The following LRP1B variants were observed in gnomAD, a reference collection of about 807,000 sequenced individuals.
LRP1B encodes LDL receptor related protein 1B, also known as low-density lipoprotein receptor-related protein 1B.
LRP1B carries 217 observed loss-of-function variants against 556.6 expected under a neutral mutation model. That is an observed-to-expected ratio of 0.39 (90% CI 0.35 to 0.44). The LOEUF (loss-of-function observed/expected upper bound fraction) is 0.44, where lower values mean the gene tolerates loss of function less well. Ranked by LOEUF, LRP1B falls within the 20% of genes least tolerant of loss-of-function variation. LRP1B has a pLI of 1.00. For synonymous variants in LRP1B, 2,047 were observed against 1,865.8 expected, an observed-to-expected ratio of 1.10 and a Z score of -2.50; for missense variants, 5,053 against 5,620.8, an observed-to-expected ratio of 0.90 and a Z score of 3.23.
At chr2:140,549,861 G>GTT in intron 43 of LRP1B, among the ~76,000 whole-genome samples, 1 of 148,260 alleles carries the variant, frequency 6.7e-6, no homozygotes, top group East Asian at 2.0e-4. Flanking sequence ...AGTTGTTGTT[G>GTT]TTTTTTTTTT....
intron 43 of LRP1B, among the ~76,000 whole-genome samples, chr2:140,582,972 C>G (rs988725670): frequency 1.3e-5 from 2 of 152,024 alleles, no homozygotes; most frequent in African/African-American, 4.8e-5. Context: ...AGTCCCAGCT[C>G]TGGATCCTAC....
At position 140,828,375 on chromosome 2, in the gene LRP1B, C is replaced by T. The variant is rs377586034; in HGVS notation, c.5209+11616G>A. Among the ~76,000 whole-genome samples the T allele has an allele frequency of 1.0e-3, 153 of 151,012 alleles. 2 individuals carry two copies. The East Asian group carries it at 0.022, about 22-fold the overall frequency. Reference sequence around the variant, plus strand: ...CTGTAATCCCAGCACTTTGGGAGGCCGAGGCAGGCGGATCACGAGGTCAGG... The same window carrying T: ...CTGTAATCCCAGCACTTTGGGAGGCTGAGGCAGGCGGATCACGAGGTCAGG... On this transcript the variant is annotated intron_variant, in intron 31 of 90. Coordinates refer to ENST00000389484, the MANE Select transcript of LRP1B (RefSeq NM_018557.3).
chr2:140,347,487 A>G (rs540946701), intron 77 of LRP1B, among the ~76,000 whole-genome samples: 63 of 151,096 alleles, frequency 4.2e-4, no homozygotes, highest in African/African-American at 1.5e-3. Context: ...AAACGGGATC[A>G]CATGGAAAAT....
chr2:141,409,822 C>G (rs1690784711), intron 3 of LRP1B, among the ~76,000 whole-genome samples: 2 of 151,944 alleles, frequency 1.3e-5, no homozygotes, highest in Non-Finnish European at 2.9e-5. Context: ...GATAGTGTAT[C>G]TGAGGAGGTG....
At chr2:140,841,268 C>T (rs888350389) in intron 29 of LRP1B, among the ~76,000 whole-genome samples, 176 bp from the exon 30 acceptor site, 1 of 152,162 alleles carries the variant, frequency 6.6e-6, no homozygotes, top group African/African-American at 2.4e-5. Context: ...CATGAATAAT[C>T]ATTAATGTCT....
intron 2 of LRP1B, among the ~76,000 whole-genome samples, chr2:141,655,116 G>C (rs1689953479): frequency 6.6e-6 from 1 of 152,102 alleles, no homozygotes. Context: ...AGGAGGAAGA[G>C]GGACGGACTG....
intron 62 of LRP1B, among the ~76,000 whole-genome samples, chr2:140,454,568 T>C (rs984537364): frequency 1.3e-5 from 2 of 152,218 alleles, no homozygotes; most frequent in Non-Finnish European, 2.9e-5. Flanking sequence ...TCTGTCTTGC[T>C]ATTGTTAAGT....
intron 87 of LRP1B, among the ~76,000 whole-genome samples, chr2:140,243,735 C>G (rs1346758143): frequency 1.3e-5 from 2 of 151,154 alleles, no homozygotes; most frequent in African/African-American, 2.4e-5. Context: ...CACTCTCCCC[C>G]TTGTTCTCTT....
At chr2:140,990,561 A>C (rs74268821) in intron 16 of LRP1B, among the ~76,000 whole-genome samples, 2 of 49,672 alleles carry the variant, frequency 4.0e-5, no homozygotes, top group African/African-American at 2.6e-4. Flanking sequence ...TGTATTACTT[A>C]AAAAAAAAAA....
At chr2:140,599,789 T>C (rs971896036) in intron 42 of LRP1B, among the ~76,000 whole-genome samples, 2 of 152,070 alleles carry the variant, frequency 1.3e-5, no homozygotes, top group African/African-American at 2.4e-5. Flanking sequence ...TTTCCCCCCT[T>C]CATTTCACAG....
At chr2:140,776,013 C>A in intron 33 of LRP1B, 85 bp downstream of exon 33, 2 of 1,151,210 alleles carry the variant, frequency 1.7e-6, no homozygotes, top group South Asian at 3.0e-5. Context: ...GAATAGAAAC[C>A]TTTTATTGTT....
At chr2:140,833,842 TA>T (rs935203324) in intron 31 of LRP1B, among the ~76,000 whole-genome samples, 2 of 152,138 alleles carry the variant, frequency 1.3e-5, no homozygotes, top group Non-Finnish European at 2.9e-5. Context: ...TTAAAGGGGT[TA>T]AAAAAATCCC....
chr2:141,044,439 G>A (rs922435476), intron 11 of LRP1B, among the ~76,000 whole-genome samples: 2 of 151,248 alleles, frequency 1.3e-5, no homozygotes, highest in Admixed American at 1.3e-4. Flanking sequence ...TTAAACTAAA[G>A]AGCTTCTGCA....
intron 1 of LRP1B, among the ~76,000 whole-genome samples, chr2:141,902,932 A>T (rs1367465597): frequency 6.6e-6 from 1 of 151,976 alleles, no homozygotes; most frequent in Non-Finnish European, 1.5e-5. Context: ...AGCATAGAAA[A>T]TAAAAAGTAG....
intron 84 of LRP1B, among the ~76,000 whole-genome samples, chr2:140,277,204 C>G (rs1322863937): frequency 1.3e-5 from 2 of 151,718 alleles, no homozygotes; most frequent in Non-Finnish European, 2.9e-5. Flanking sequence ...TTGCATTTAA[C>G]TTAAAGTACT....
intron 31 of LRP1B, among the ~76,000 whole-genome samples, chr2:140,821,941 A>G (rs904637128): frequency 6.6e-6 from 1 of 151,956 alleles, no homozygotes; most frequent in Non-Finnish European, 1.5e-5. Context: ...CAGAAGTTGC[A>G]GTGAGACAAG....
At chr2:141,997,276 A>C (rs1559011735) in intron 1 of LRP1B, among the ~76,000 whole-genome samples, 1 of 152,008 alleles carries the variant, frequency 6.6e-6, no homozygotes, top group Non-Finnish European at 1.5e-5. Flanking sequence ...TTCAAATATC[A>C]GCAGTTTGTT....
chr2:140,470,433 C>T (rs537041722), intron 60 of LRP1B, among the ~76,000 whole-genome samples: 3 of 151,956 alleles, frequency 2.0e-5, no homozygotes, highest in African/African-American at 7.2e-5. Context: ...ATCAAGAGGT[C>T]GGGAGATCAA....
At chr2:140,411,286 G>T (rs1684961164) in intron 66 of LRP1B, among the ~76,000 whole-genome samples, 1 of 151,932 alleles carries the variant, frequency 6.6e-6, no homozygotes, top group African/African-American at 2.4e-5. Flanking sequence ...TTAGTTAACA[G>T]TATATTGAAT....
Sources: allele counts gnomAD v4.1 joint callset (sites outside exome capture counted in the v4.1 genomes callset), GRCh38; gene constraint gnomAD v4.1.1; transcripts MANE v1.5; gene names NCBI Gene and HGNC (gene_info 2026-07-23, HGNC 2026-07-21).